Variants in ITGA2 observed in about 807,000 individuals in gnomAD.
ITGA2 encodes integrin alpha-2.
A neutral mutation model predicts 146.3 loss-of-function variants in ITGA2; 101 were observed. The observed-to-expected ratio is 0.69, with a 90% CI of 0.59 to 0.81. ITGA2 has a LOEUF of 0.81. ITGA2 is among the 40% of genes least tolerant of loss of function. The pLI is 0.00. For missense variants in ITGA2, 1,281 were observed against 1,402.7 expected (o/e 0.91, Z 1.39); for synonymous variants, 477 against 487.1 (o/e 0.98, Z 0.27).
In ITGA2 at chr5:53,094,507, TGTG is replaced by T. The variant is rs1268487160; in HGVS notation, c.*3912_*3914del. On this transcript the variant is annotated 3_prime_UTR_variant, in exon 30 of 30. Coordinates refer to ENST00000296585, the MANE Select transcript of ITGA2 (RefSeq NM_002203.4). ...CATAATAGATAAGTCTTTTTTCAAA[TGTG>T]GTGTTTGATGTTTTTGATTAAATGT... is the stretch of plus-strand genomic sequence containing the variant. The T allele has an allele frequency of 6.6e-6, 1 of 152,214 alleles. No individual in the cohort carries two copies. The highest frequency in any genetic ancestry group is 1.9e-4 in the East Asian group (1 of 5,198). 9.4% of individuals were successfully genotyped at this position (152,214 alleles called of 1,614,324 possible). A position where few individuals can be genotyped will look rare whatever the true frequency, so the allele number is the denominator to read the frequency against.
intron 7 of ITGA2, among the ~76,000 whole-genome samples, chr5:53,054,989 A>T (rs898798782): frequency 6.6e-6 from 1 of 152,140 alleles, no homozygotes; most frequent in Non-Finnish European, 1.5e-5. Flanking sequence ...TAAGGGGTAG[A>T]CTATGCCTGT....
At position 53,067,112 on chromosome 5, in the gene ITGA2, T is replaced by G. The variant is rs1340306813; in HGVS notation, c.1944-6T>G. 6.2e-7 allele frequency: 1 copy of G among 1,609,462 alleles called. No individual in the cohort carries two copies. The highest frequency in any genetic ancestry group is 1.1e-5 in the South Asian group (1 of 91,004). On this transcript the variant is annotated splice_region_variant and splice_polypyrimidine_tract_variant and intron_variant, in intron 15 of 29. Transcript: ENST00000296585. Reference sequence around the variant, plus strand: ...CCATCCATCTGTTACTCTTTATGTCTTTTAGGTCACAAAGTATTGCTGATG... The same window carrying G: ...CCATCCATCTGTTACTCTTTATGTCGTTTAGGTCACAAAGTATTGCTGATG...
chr5:53,026,952 G>A lies in ITGA2; in HGVS notation c.185+84G>A. The A allele has an allele frequency of 2.4e-6, 3 of 1,241,598 alleles. No individual in the cohort carries two copies. In the East Asian group the frequency reaches 7.4e-5, roughly 31 times the overall value. The allele number at this position is 1,241,598 out of a possible 1,614,324, so 76.9% of individuals were successfully genotyped here. A position where few individuals can be genotyped will look rare whatever the true frequency, so the allele number is the denominator to read the frequency against. On this transcript the variant is annotated intron_variant, in intron 2 of 29. Coordinates refer to ENST00000296585, the MANE Select transcript of ITGA2 (RefSeq NM_002203.4). ...ACTTCAATTGCTTTTTCAAATTGGTGCCTGACTGTACTATAAATGGGTGGC... is the reference window on the plus strand; with the variant it reads ...ACTTCAATTGCTTTTTCAAATTGGTACCTGACTGTACTATAAATGGGTGGC...
At chr5:53,088,166 A>AT (rs775683486) in intron 28 of ITGA2, among the ~76,000 whole-genome samples, 18 of 152,112 alleles carry the variant, frequency 1.2e-4, no homozygotes, top group Non-Finnish European at 2.4e-4. Context: ...AGTATTATAG[A>AT]TTTTTTTTAA....
At chr5:53,030,211 C>G (rs1328630361) in intron 2 of ITGA2, among the ~76,000 whole-genome samples, 1 of 152,182 alleles carries the variant, frequency 6.6e-6, no homozygotes, top group Non-Finnish European at 1.5e-5. Flanking sequence ...CTCTAAGTAT[C>G]CAAGACATTG....
chr5:53,037,692 A>G (rs1743556127), intron 2 of ITGA2, among the ~76,000 whole-genome samples: 1 of 152,154 alleles, frequency 6.6e-6, no homozygotes, highest in South Asian at 2.1e-4. Context: ...TCTAATAAAG[A>G]AGGTAAGCAA....
At chr5:53,068,426 A>T (rs1048160750) in intron 16 of ITGA2, among the ~76,000 whole-genome samples, 1 of 151,864 alleles carries the variant, frequency 6.6e-6, no homozygotes, top group African/African-American at 2.4e-5. Flanking sequence ...AACTTGGGAA[A>T]TATATTATTT....
chr5:53,064,149 T>G (rs2111972439), intron 13 of ITGA2, among the ~76,000 whole-genome samples: 1 of 152,112 alleles, frequency 6.6e-6, no homozygotes, highest in South Asian at 2.1e-4. Context: ...TTCTACTTCC[T>G]GTACCACTAT....
chr5:52,996,385 AAGAG>A (rs1311101624), intron 1 of ITGA2, among the ~76,000 whole-genome samples: 5 of 152,112 alleles, frequency 3.3e-5, no homozygotes, highest in African/African-American at 1.2e-4. Context: ...AAAGGAGAGG[AAGAG>A]AGTTAGGTGT....
intron 1 of ITGA2, chr5:52,990,208 T>C (rs1740869739): frequency 6.5e-6 from 1 of 153,016 alleles, no homozygotes; most frequent in South Asian, 2.1e-4. Context: ...TGTTGTAACA[T>C]TGTCTATTCG....
intron 1 of ITGA2, among the ~76,000 whole-genome samples, chr5:53,020,259 A>T (rs1219186947): frequency 1.3e-5 from 2 of 152,236 alleles, no homozygotes; most frequent in African/African-American, 4.8e-5. Context: ...GAGAGAAAAA[A>T]CATAGAATCA....
chr5:52,991,449 TTATAG>T (rs1740950022), intron 1 of ITGA2, among the ~76,000 whole-genome samples: 1 of 152,178 alleles, frequency 6.6e-6, no homozygotes, highest in African/African-American at 2.4e-5. Flanking sequence ...TGTTATAAAA[TTATAG>T]TATGTACAAT....
chr5:53,076,741 T>C (rs1049204122), intron 23 of ITGA2, among the ~76,000 whole-genome samples: 1 of 152,064 alleles, frequency 6.6e-6, no homozygotes, highest in African/African-American at 2.4e-5. Flanking sequence ...GACTTTACTT[T>C]TACTAATTAT....
intron 9 of ITGA2, among the ~76,000 whole-genome samples, chr5:53,057,743 C>T (rs1438056422): frequency 2.0e-5 from 3 of 151,942 alleles, no homozygotes; most frequent in East Asian, 1.9e-4. Flanking sequence ...GTATCAAGAA[C>T]GTCATACATA....
chr5:53,000,334 G>A (rs1741502206), intron 1 of ITGA2, among the ~76,000 whole-genome samples: 2 of 152,042 alleles, frequency 1.3e-5, no homozygotes, highest in South Asian at 2.1e-4. Flanking sequence ...CTTTATTAAT[G>A]TGGAAAATTA....
intron 1 of ITGA2, 45 bp from the exon 2 acceptor site, chr5:53,026,703 A>C (rs746367374): frequency 5.2e-6 from 8 of 1,525,246 alleles, no homozygotes; most frequent in Non-Finnish European, 7.3e-6. Context: ...ACACACTTAT[A>C]TTCATGAATT....
rs546183748 is a variant in ITGA2, at chr5:53,007,670, C to T, written c.64+18138C>T. Among the ~76,000 whole-genome samples the T allele has an allele frequency of 1.2e-4, 18 of 152,190 alleles. No homozygotes were observed. In the South Asian group the frequency reaches 2.5e-3, roughly 21 times the overall value. ...TGTCTTCCTCTCAGCCACTGAGAGA[C>T]GGCAAGTCTACCAGATGGTGGCTTA... On this transcript the variant is annotated intron_variant, in intron 1 of 29. Coordinates refer to ENST00000296585, the MANE Select transcript of ITGA2 (RefSeq NM_002203.4).
intron 1 of ITGA2, among the ~76,000 whole-genome samples, chr5:53,026,217 C>A (rs185767906): frequency 6.6e-6 from 1 of 152,270 alleles, no homozygotes; most frequent in East Asian, 1.9e-4. Context: ...TTGATGTAGT[C>A]ATCAATGCCT....
At position 53,062,915 on chromosome 5, in the gene ITGA2, T is replaced by A; in HGVS notation, c.1588T>A (p.Phe530Ile). 1 of 1,610,472 alleles carries A rather than the reference T, an allele frequency of 6.2e-7. No individual in the cohort carries two copies. Among genetic ancestry groups the A allele is most frequent in the Non-Finnish European group, 8.5e-7 (1 of 1,177,740 alleles). Residue 530 changes from phenylalanine (F) to isoleucine (I), a missense_variant, in exon 13 of 30, where the codon TTT becomes ATT. Physicochemically the swap from Phe to Ile is conservative, Grantham distance 21. This residue lies in a region of ITGA2 where 795 missense variants were observed against 841.7 expected (regional missense o/e 0.94). Transcript: ENST00000296585. ...LKKEEGRVYLFTIKEGILGQH... is the reference protein window; with the variant it reads ...LKKEEGRVYLITIKEGILGQH... ...GAAAGAGGAAGGAAGAGTCTACCTG[T>A]TTACTATCAAAGAGGTAAAAAAAAA... is the stretch of plus-strand genomic sequence containing the variant.
Sources: allele counts gnomAD v4.1 joint callset (sites outside exome capture counted in the v4.1 genomes callset), GRCh38; gene constraint gnomAD v4.1.1; regional missense constraint gnomAD v4.1.1; transcripts MANE v1.5; gene names NCBI Gene and HGNC (gene_info 2026-07-23, HGNC 2026-07-21).